The following ALMS1 variants were observed in gnomAD, a reference collection of about 807,000 sequenced individuals.
ALMS1 encodes the protein ALMS1 centrosome and basal body associated protein.
Under a neutral mutation model 352.2 loss-of-function variants are expected in ALMS1, and 271 were observed. The ratio of observed to expected loss-of-function variants is 0.77; its 90% confidence interval spans 0.70 to 0.85. The LOEUF is 0.85. Among genes scored for constraint, ALMS1 ranks in the 40% least tolerant of loss-of-function variants. The probability of loss-of-function intolerance (pLI) is 0.00; values close to 1 mark genes in which losing one functional copy is unlikely to be tolerated. For missense variants in ALMS1, 5,445 were observed against 4,870.7 expected (o/e 1.12, Z -3.51); for synonymous variants, 1,865 against 1,761.2 (o/e 1.06, Z -1.48).
intron 16 of ALMS1, among the ~76,000 whole-genome samples, chr2:73,590,074 A>G (rs1256951534): frequency 6.6e-6 from 1 of 151,416 alleles, no homozygotes; most frequent in East Asian, 1.9e-4. Flanking sequence ...ATGAGATGAT[A>G]CTTGTCTTGA....
At chr2:73,494,891 A>G (rs1292450530) in intron 10 of ALMS1, among the ~76,000 whole-genome samples, 1 of 152,146 alleles carries the variant, frequency 6.6e-6, no homozygotes, top group South Asian at 2.1e-4. Flanking sequence ...TTTGACTACT[A>G]ATTTTAGCAT....
chr2:73,519,552 T>C (rs1673628644), intron 10 of ALMS1, among the ~76,000 whole-genome samples: 1 of 152,222 alleles, frequency 6.6e-6, no homozygotes, highest in Non-Finnish European at 1.5e-5. Context: ...ACATTCTAAA[T>C]TAAAAGTAGG....
At chr2:73,467,170 A>G (rs1457260852) in intron 9 of ALMS1, among the ~76,000 whole-genome samples, 1 of 152,164 alleles carries the variant, frequency 6.6e-6, no homozygotes, top group Non-Finnish European at 1.5e-5. Context: ...AAGAATGGTA[A>G]TCAAAAGGCA....
rs545074650 is a variant in ALMS1 at position 73,600,547 on chromosome 2, C to T, written c.11669-131C>T. 991 of 786,088 alleles carry T rather than the reference C, an allele frequency of 1.3e-3. 1 individual carries two copies. The highest frequency in any genetic ancestry group is 1.7e-3 in the South Asian group (72 of 43,630). 48.7% of individuals were successfully genotyped at this position (786,088 alleles called of 1,614,324 possible). On this transcript the variant is annotated intron_variant, in intron 17 of 22. Transcript: ENST00000613296. ...GTCCTTCTTTCTCTTCCTCTCTCTT[C>T]GCATCCCTCCATCCCACACAAAGGG...
intron 9 of ALMS1, among the ~76,000 whole-genome samples, chr2:73,484,137 G>T (rs1310618408): frequency 2.0e-5 from 3 of 151,552 alleles, no homozygotes; most frequent in Non-Finnish European, 4.4e-5. Context: ...TGGTTATTTT[G>T]CTCATTAGTT....
At chr2:73,469,079 A>C (rs960661600) in intron 9 of ALMS1, among the ~76,000 whole-genome samples, 1 of 151,970 alleles carries the variant, frequency 6.6e-6, no homozygotes, top group Non-Finnish European at 1.5e-5. Flanking sequence ...TTCTCTCGGC[A>C]GAATACTGTC....
intron 11 of ALMS1, among the ~76,000 whole-genome samples, chr2:73,527,500 A>G (rs1673817058): frequency 6.6e-6 from 1 of 151,806 alleles, no homozygotes; most frequent in Non-Finnish European, 1.5e-5. Flanking sequence ...GATAGGTTGT[A>G]TGTTTCTAGG....
intron 6 of ALMS1, among the ~76,000 whole-genome samples, chr2:73,430,662 G>A (rs1232563825): frequency 6.6e-6 from 1 of 152,030 alleles, no homozygotes; most frequent in Non-Finnish European, 1.5e-5. Flanking sequence ...ATACACAAAT[G>A]CCACTGTGTT....
At position 73,520,005 on chromosome 2, in the gene ALMS1, G is replaced by A. The variant is rs748153319; in HGVS notation, c.9770G>A (p.Arg3257His). The A allele has an allele frequency of 1.2e-5, 20 of 1,613,910 alleles. No homozygotes were observed. The highest frequency in any genetic ancestry group is 4.5e-5 in the East Asian group (2 of 44,888). ...TCAGTCCAACAGGTTACTTTTTCTC[G>A]CGGCACAGATGGTAAGAGAATGTGA... The part of the protein sequence containing the change: ...SSSVQQVTFS[R>H]GTDGQPLLLP... Residue 3257 changes from arginine (R) to histidine (H), a missense_variant, in exon 11 of 23, where the codon CGC (arginine) becomes CAC (histidine). By Grantham distance (29) the Arg-to-His change is conservative (BLOSUM62 0). Coordinates refer to ENST00000613296, the MANE Select transcript of ALMS1 (RefSeq NM_001378454.1).
At chr2:73,479,813 G>A (rs1255081720) in intron 9 of ALMS1, among the ~76,000 whole-genome samples, 4 of 152,058 alleles carry the variant, frequency 2.6e-5, no homozygotes, top group African/African-American at 9.7e-5. Flanking sequence ...TTCCAGGGTG[G>A]TTATATCATT....
chr2:73,490,489 C>A lies in ALMS1; in HGVS notation c.8530C>A (p.Leu2844Ile). The part of the protein sequence containing the change: ...KEIQISDNHT[L>I]ISMGRPSSTL... The stretch of plus-strand genomic sequence containing the variant: ...AATTCAGATTTCTGATAACCATACC[C>A]TTATTAGCATGGGCAGACCAAGTTC... Residue 2844 changes from leucine to isoleucine, a missense_variant, in exon 10 of 23, where the codon CTT becomes ATT. By Grantham distance (5) the Leu-to-Ile change is conservative. Coordinates refer to ENST00000613296, the MANE Select transcript of ALMS1 (RefSeq NM_001378454.1). 6.2e-7 allele frequency: 1 copy of A among 1,614,140 alleles called. No homozygotes were observed. Among genetic ancestry groups the A allele is most frequent in the Non-Finnish European group, 8.5e-7 (1 of 1,180,024 alleles).
intron 10 of ALMS1, among the ~76,000 whole-genome samples, chr2:73,511,494 G>A (rs1673450990): frequency 6.6e-6 from 1 of 152,106 alleles, no homozygotes; most frequent in African/African-American, 2.4e-5. Flanking sequence ...TCTGTGGGCT[G>A]CACCCACTGT....
chr2:73,511,310 G>A (rs1673446674), intron 10 of ALMS1, among the ~76,000 whole-genome samples: 1 of 152,078 alleles, frequency 6.6e-6, no homozygotes, highest in African/African-American at 2.4e-5. Context: ...CCAGGGCCCT[G>A]GTGGTATAGG....
chr2:73,452,677 A>G lies in ALMS1; in HGVS notation c.6150A>G (p.Gln2050=). Residue 2050 remains glutamine (Q), a synonymous_variant, in exon 8 of 23, where the codon CAA becomes CAG. Coordinates refer to ENST00000613296, the MANE Select transcript of ALMS1 (RefSeq NM_001378454.1). ...SQTAFHSSYS[Q]TVKPNILFQQ... Reference sequence around the variant, plus strand: ...CAGCTTTTCATAGTTCCTATTCTCAAACAGTAAAGCCCAATATTTTATTTC... The same window carrying G: ...CAGCTTTTCATAGTTCCTATTCTCAGACAGTAAAGCCCAATATTTTATTTC... 2 of 1,613,956 alleles carry G rather than the reference A, an allele frequency of 1.2e-6. No homozygotes were observed. The highest frequency in any genetic ancestry group is 1.7e-6 in the Non-Finnish European group (2 of 1,179,982).
At chr2:73,542,143 A>T (rs1054310341) in intron 12 of ALMS1, among the ~76,000 whole-genome samples, 26 of 152,244 alleles carry the variant, frequency 1.7e-4, no homozygotes, top group Non-Finnish European at 3.2e-4. Flanking sequence ...AACCGAATCC[A>T]GCAGCACATC....
intron 9 of ALMS1, among the ~76,000 whole-genome samples, chr2:73,465,515 G>A (rs1216804739): frequency 6.6e-6 from 1 of 152,200 alleles, no homozygotes; most frequent in Non-Finnish European, 1.5e-5. Context: ...TTACATGTTA[G>A]TCCGAAAACT....
intron 1 of ALMS1, among the ~76,000 whole-genome samples, chr2:73,406,894 G>C (rs992291056): frequency 2.0e-5 from 3 of 152,082 alleles, no homozygotes; most frequent in African/African-American, 7.2e-5. Context: ...CCAAAGTGCT[G>C]GATTACAGGC....
In ALMS1 at chr2:73,455,295, G is replaced by A; in HGVS notation, c.7674G>A (p.Lys2558=). The change falls in exon 9 of 23, where the codon AAG becomes AAA. Residue 2558 remains lysine, a splice_region_variant and synonymous_variant. Coordinates refer to ENST00000613296, the MANE Select transcript of ALMS1 (RefSeq NM_001378454.1). ...FGHGRTTDLS[K]GLQSPRGMGC... is the part of the protein sequence containing the mutation. ...ATGGAAGAACAACTGACTTGTCCAA[G>A]GTATAAAAGAAATCTGGAAATGAAG... 6.2e-7 allele frequency: 1 copy of A among 1,613,916 alleles called. No homozygotes were observed. The highest frequency in any genetic ancestry group is 8.5e-7 in the Non-Finnish European group (1 of 1,179,948).
At position 73,448,134 on chromosome 2, in the gene ALMS1, C is replaced by G. The variant is rs766105909; in HGVS notation, c.1607C>G (p.Thr536Ser). 125 of 1,613,822 alleles carry G rather than the reference C, an allele frequency of 7.7e-5. No homozygotes were observed. Among genetic ancestry groups the G allele is most frequent in the Non-Finnish European group, 1.0e-4 (120 of 1,179,896 alleles). ...LETTTGQHTD[T>S]LNQKTLADTH... The stretch of plus-strand genomic sequence containing the variant: ...ACTACTACTGGTCAACACACTGATA[C>G]TCTCAACCAAAAGACATTAGCAGAT... Residue 536 changes from threonine to serine, a missense_variant, in exon 8 of 23, where the codon ACT becomes AGT. Physicochemically the swap from Thr to Ser is moderately conservative, Grantham distance 58 (BLOSUM62 1). Transcript: ENST00000613296.
Sources: allele counts gnomAD v4.1 joint callset (sites outside exome capture counted in the v4.1 genomes callset), GRCh38; gene constraint gnomAD v4.1.1; transcripts MANE v1.5; gene names NCBI Gene and HGNC (gene_info 2026-07-23, HGNC 2026-07-21).